Variants in KSR2 observed in about 807,000 individuals in gnomAD.
KSR2 encodes kinase suppressor of ras 2.
Under a neutral mutation model 107.8 loss-of-function variants are expected in KSR2, and 25 were observed. That is an observed-to-expected ratio of 0.23 (90% CI 0.17 to 0.32). The LOEUF is 0.32. KSR2 is among the 10% of genes least tolerant of loss of function. The pLI, the probability that KSR2 is intolerant of heterozygous loss-of-function variation, is 1.00. For synonymous variants in KSR2, 480 were observed against 507.0 expected, an observed-to-expected ratio of 0.95 and a Z score of 0.71; for missense variants, 887 against 1,268.9, an observed-to-expected ratio of 0.70 and a Z score of 4.57.
intron 1 of KSR2, among the ~76,000 whole-genome samples, chr12:117,935,622 G>A (rs149362227): frequency 0.012 from 1,874 of 152,256 alleles, 18 homozygotes; most frequent in Non-Finnish European, 0.019. Context: ...TTAGCCGGTC[G>A]TAGTAGTGGG....
chr12:117,480,021 C>CGTGTGTGT (rs1565865803), intron 16 of KSR2, among the ~76,000 whole-genome samples: 2 of 108,786 alleles, frequency 1.8e-5, no homozygotes, highest in African/African-American at 6.7e-5. Context: ...AATCATTACA[C>CGTGTGTGT]ATGTGTATGT....
chr12:117,840,162 A>G (rs2137156155), intron 3 of KSR2, among the ~76,000 whole-genome samples: 1 of 151,654 alleles, frequency 6.6e-6, no homozygotes, highest in East Asian at 1.9e-4. Flanking sequence ...GCAATGCGCA[A>G]TCTTGGCTGT....
At chr12:117,951,204 G>A (rs975532821) in intron 1 of KSR2, among the ~76,000 whole-genome samples, 2 of 152,140 alleles carry the variant, frequency 1.3e-5, no homozygotes, top group Admixed American at 6.6e-5. Flanking sequence ...CACCGCGCCC[G>A]GCGGCAACCA....
At chr12:117,762,836 C>A (rs1889090017) in intron 3 of KSR2, among the ~76,000 whole-genome samples, 1 of 151,808 alleles carries the variant, frequency 6.6e-6, no homozygotes, top group Admixed American at 6.6e-5. Context: ...CCATTGCACT[C>A]CAGCCTGGGC....
Position 117,462,297 on chromosome 12 carries a change from A to T in KSR2, c.*4902T>A. On this transcript the variant is annotated 3_prime_UTR_variant, in exon 20 of 20. Coordinates refer to ENST00000339824, the MANE Select transcript of KSR2 (RefSeq NM_173598.6). ...TCCTCATTCCTAGTACCTCAGAATGAGACTTCATTTGGAGAGAGGGTCTTT... is the reference window on the plus strand; with the variant it reads ...TCCTCATTCCTAGTACCTCAGAATGTGACTTCATTTGGAGAGAGGGTCTTT... 1 of 146,990 alleles carries T rather than the reference A, an allele frequency of 6.8e-6. No homozygotes were observed. The highest frequency in any genetic ancestry group is 2.2e-4 in the South Asian group (1 of 4,464). The allele number at this position is 146,990 out of a possible 1,614,324, so 9.1% of individuals were successfully genotyped here.
At chr12:117,557,383 T>C (rs1189492183) in intron 8 of KSR2, among the ~76,000 whole-genome samples, 1 of 152,084 alleles carries the variant, frequency 6.6e-6, no homozygotes, top group African/African-American at 2.4e-5. Context: ...GGCATCTTAG[T>C]TTATGTCTGA....
intron 3 of KSR2, among the ~76,000 whole-genome samples, chr12:117,783,141 G>A (rs186305033): frequency 4.6e-5 from 7 of 152,180 alleles, no homozygotes; most frequent in South Asian, 2.1e-4. Context: ...AAAGTGTACC[G>A]TGTGCCCAAC....
intron 14 of KSR2, among the ~76,000 whole-genome samples, chr12:117,503,310 G>C (rs1051073900): frequency 3.9e-5 from 6 of 152,216 alleles, no homozygotes; most frequent in South Asian, 2.1e-4. Context: ...GACAACACCA[G>C]TGTTCATCAG....
Position 117,456,843 on chromosome 12 carries a change from C to T in KSR2, c.*10356G>A, listed in dbSNP as rs1262436998. ...AACTGCCACATCTTGTCCAGACTGT[C>T]TATGTTGTTGCTTCATTGCTACCAG... On this transcript the variant is annotated 3_prime_UTR_variant, in exon 20 of 20. Coordinates refer to ENST00000339824, the MANE Select transcript of KSR2 (RefSeq NM_173598.6). 6.6e-6 allele frequency: 1 copy of T among 151,898 alleles called. No homozygotes were observed. Among genetic ancestry groups the T allele is most frequent in the Non-Finnish European group, 1.5e-5 (1 of 68,058 alleles). 9.4% of individuals were successfully genotyped at this position (151,898 alleles called of 1,614,324 possible).
Position 117,684,735 on chromosome 12 carries a change from A to G in KSR2, c.987-17077T>C, listed in dbSNP as rs117005229. Among the ~76,000 whole-genome samples, 296 of 152,256 alleles carry G rather than the reference A, an allele frequency of 1.9e-3. 4 individuals carry two copies. In the East Asian group the frequency reaches 0.02, roughly 10 times the overall value. On this transcript the variant is annotated intron_variant, in intron 4 of 19. Transcript: ENST00000339824. ...CCGGACACTGTGCTCATGACACATT[A>G]TCTCATTTGGGGTTGGAGCAATTAT...
chr12:117,906,095 A>C (rs1378356067), intron 1 of KSR2, among the ~76,000 whole-genome samples: 1 of 152,164 alleles, frequency 6.6e-6, no homozygotes, highest in Non-Finnish European at 1.5e-5. Context: ...TCACACCTGT[A>C]ATCCCAGCAC....
intron 1 of KSR2, among the ~76,000 whole-genome samples, chr12:117,929,176 T>C (rs1399169361): frequency 2.0e-5 from 3 of 152,134 alleles, no homozygotes; most frequent in Non-Finnish European, 4.4e-5. Context: ...GAATATACTC[T>C]AGGATTTGAA....
At chr12:117,688,108 G>T (rs1017143879) in intron 4 of KSR2, among the ~76,000 whole-genome samples, 1 of 152,200 alleles carries the variant, frequency 6.6e-6, no homozygotes, top group Non-Finnish European at 1.5e-5. Flanking sequence ...GGCCGGGTGT[G>T]GTGGCTCACG....
chr12:117,797,086 C>T (rs1890658358), intron 3 of KSR2, among the ~76,000 whole-genome samples: 2 of 152,136 alleles, frequency 1.3e-5, no homozygotes, highest in Non-Finnish European at 2.9e-5. Context: ...TAGGGCTCCT[C>T]AAAAAAGTGA....
At chr12:117,816,665 CT>C (rs1891380616) in intron 3 of KSR2, among the ~76,000 whole-genome samples, 1 of 152,144 alleles carries the variant, frequency 6.6e-6, no homozygotes, top group African/African-American at 2.4e-5. Context: ...CCGTGTCATC[CT>C]TAAGGGCATG....
At position 117,505,248 on chromosome 12, in the gene KSR2, C is replaced by G. The variant is rs1283483376; in HGVS notation, c.2220-19557G>C. On this transcript the variant is annotated intron_variant, in intron 14 of 19. Coordinates refer to ENST00000339824, the MANE Select transcript of KSR2 (RefSeq NM_173598.6). ...TGTCAGTCCTTATGCAGTCCCCTCA[C>G]CAACGTGGAAGCTATCACATCATGT... 2.0e-5 allele frequency among the ~76,000 whole-genome samples: 3 copies of G among 152,154 alleles called. 1 individual carries two copies. Among genetic ancestry groups the G allele is most frequent in the Non-Finnish European group, 4.4e-5 (3 of 68,042 alleles).
intron 1 of KSR2, among the ~76,000 whole-genome samples, chr12:117,869,371 C>CA (rs1282462882): frequency 4.6e-5 from 7 of 151,700 alleles, no homozygotes; most frequent in African/African-American, 1.7e-4. Context: ...GACTCCATCT[C>CA]AAAAAAAAGA....
intron 4 of KSR2, among the ~76,000 whole-genome samples, chr12:117,740,472 A>T (rs548784167): frequency 0.072 from 7,355 of 102,602 alleles, 279 homozygotes; most frequent in South Asian, 0.13. Flanking sequence ...ATTATATGTA[A>T]TATATAACAT....
chr12:117,681,866 C>G (rs1243032761), intron 4 of KSR2, among the ~76,000 whole-genome samples: 1 of 152,122 alleles, frequency 6.6e-6, no homozygotes, highest in African/African-American at 2.4e-5. Context: ...GTGGCAATTC[C>G]TCAAAGATCT....
Sources: gnomAD v4.1 joint callset for allele counts (sites outside exome capture counted in the v4.1 genomes callset) on GRCh38, gnomAD v4.1.1 for gene constraint, MANE v1.5 for transcripts, NCBI Gene and HGNC (gene_info 2026-07-23, HGNC 2026-07-21) for gene names.